Variants in CCBE1 observed in about 807,000 individuals in gnomAD.
CCBE1 encodes collagen and calcium binding EGF domains 1.
In CCBE1, 37 loss-of-function variants were observed where a neutral mutation model predicts 50.0. The observed-to-expected ratio is 0.74, with a 90% CI of 0.57 to 0.97. CCBE1 has a LOEUF of 0.97. Among genes scored for constraint, CCBE1 ranks in the 50% least tolerant of loss-of-function variants. The pLI, the probability that CCBE1 is intolerant of heterozygous loss-of-function variation, is 0.00. For synonymous variants in CCBE1, 234 were observed against 203.7 expected (o/e 1.15, Z -1.27); for missense variants, 538 against 523.8 (o/e 1.03, Z -0.26).
intron 2 of CCBE1, among the ~76,000 whole-genome samples, chr18:59,623,283 C>G (rs1414626373): frequency 6.6e-6 from 1 of 152,196 alleles, no homozygotes; most frequent in Non-Finnish European, 1.5e-5. Flanking sequence ...TAACCGCTGC[C>G]ATTCTGTGTC....
At chr18:59,578,667 A>G (rs2053038039) in intron 2 of CCBE1, among the ~76,000 whole-genome samples, 2 of 151,882 alleles carry the variant, frequency 1.3e-5, no homozygotes, top group African/African-American at 4.9e-5. Context: ...GCTGGAAACC[A>G]TCATTCTCAG....
chr18:59,438,077 C>A (rs202027121), intron 10 of CCBE1, 34 bp downstream of exon 10: 4 of 1,612,282 alleles, frequency 2.5e-6, no homozygotes, highest in South Asian at 2.2e-5. Flanking sequence ...TGAGAACGTT[C>A]CCCTGGGGAA....
chr18:59,525,743 T>A (rs1914792059), intron 2 of CCBE1, among the ~76,000 whole-genome samples: 1 of 152,272 alleles, frequency 6.6e-6, no homozygotes, highest in African/African-American at 2.4e-5. Context: ...TTTAACTCTT[T>A]AATCCATCTT....
intron 2 of CCBE1, among the ~76,000 whole-genome samples, chr18:59,519,354 A>C (rs949214): frequency 0.31 from 47,084 of 151,974 alleles, 8,932 homozygotes; most frequent in African/African-American, 0.54. Flanking sequence ...GGGGGAGAAA[A>C]TGTTTAGGTA....
intron 2 of CCBE1, among the ~76,000 whole-genome samples, chr18:59,617,506 A>T (rs2053652482): frequency 6.6e-6 from 1 of 152,248 alleles, no homozygotes; most frequent in Admixed American, 6.5e-5. Context: ...GAGAAATTGC[A>T]GTTTTCCACC....
intron 2 of CCBE1, among the ~76,000 whole-genome samples, chr18:59,520,744 CATA>C (rs1159152410): frequency 1.3e-5 from 2 of 152,340 alleles, no homozygotes; most frequent in South Asian, 2.1e-4. Context: ...ATCCAATTTC[CATA>C]ATGATTTTGA....
At chr18:59,548,794 G>A (rs7235306) in intron 2 of CCBE1, among the ~76,000 whole-genome samples, 15,591 of 151,976 alleles carry the variant, frequency 0.1, 1,087 homozygotes, top group East Asian at 0.34. Context: ...ATGCTCTCAG[G>A]CTACAAACCT....
intron 6 of CCBE1, among the ~76,000 whole-genome samples, chr18:59,450,595 G>T (rs113744888): frequency 6.6e-6 from 1 of 152,202 alleles, no homozygotes; most frequent in Non-Finnish European, 1.5e-5. Context: ...GTGCAGTGGT[G>T]CAATCTCAGT....
At chr18:59,509,332 A>G (rs2144290603) in intron 2 of CCBE1, among the ~76,000 whole-genome samples, 2 of 152,312 alleles carry the variant, frequency 1.3e-5, no homozygotes, top group Admixed American at 1.3e-4. Context: ...ACATAAATAT[A>G]TATATATACA....
At chr18:59,567,926 G>A (rs1184839444) in intron 2 of CCBE1, among the ~76,000 whole-genome samples, 1 of 152,116 alleles carries the variant, frequency 6.6e-6, no homozygotes, top group Non-Finnish European at 1.5e-5. Flanking sequence ...TTTTTAAATT[G>A]TTGTATTTTA....
intron 2 of CCBE1, among the ~76,000 whole-genome samples, chr18:59,539,460 C>G (rs1915384615): frequency 6.6e-6 from 1 of 152,174 alleles, no homozygotes; most frequent in Admixed American, 6.5e-5. Context: ...TATGGTTCAG[C>G]TGACACCTGA....
chr18:59,581,175 G>C (rs1011104197), intron 2 of CCBE1, among the ~76,000 whole-genome samples: 1 of 152,038 alleles, frequency 6.6e-6, no homozygotes, highest in African/African-American at 2.4e-5. Context: ...ATGTGGCCTC[G>C]GCTCTCTTGA....
chr18:59,503,034 C>T (rs660637), intron 2 of CCBE1, among the ~76,000 whole-genome samples: 1 of 152,134 alleles, frequency 6.6e-6, no homozygotes, highest in Non-Finnish European at 1.5e-5. Context: ...CATGCAATCA[C>T]ACAAATGTGC....
At chr18:59,549,478 T>C (rs1195706820) in intron 2 of CCBE1, among the ~76,000 whole-genome samples, 4 of 152,154 alleles carry the variant, frequency 2.6e-5, no homozygotes, top group African/African-American at 9.7e-5. Flanking sequence ...ATTGCAGTAA[T>C]TGAAGCTGAT....
At chr18:59,638,113 A>T (rs2053938605) in intron 2 of CCBE1, among the ~76,000 whole-genome samples, 1 of 152,252 alleles carries the variant, frequency 6.6e-6, no homozygotes, top group Admixed American at 6.5e-5. Flanking sequence ...AAAGTAAGGC[A>T]TCATGAACAA....
Position 59,634,057 on chromosome 18 carries a change from G to A in CCBE1, c.212+62572C>T, listed in dbSNP as rs577043728. On this transcript the variant is annotated intron_variant, in intron 2 of 10. Transcript: ENST00000439986. ...CTTCTCAGAAATTGGGGTCTCAACA[G>A]CCTAAACATACTAGGGACCTGAATC... 4.6e-5 allele frequency among the ~76,000 whole-genome samples: 7 copies of A among 152,324 alleles called. No individual in the cohort carries two copies. In the South Asian group the frequency reaches 1.2e-3, roughly 27 times the overall value.
At chr18:59,648,620 T>C (rs938623466) in intron 2 of CCBE1, among the ~76,000 whole-genome samples, 2 of 152,142 alleles carry the variant, frequency 1.3e-5, no homozygotes, top group African/African-American at 4.8e-5. Context: ...GAGAATTGCT[T>C]GAACCCAGGA....
intron 2 of CCBE1, among the ~76,000 whole-genome samples, chr18:59,528,891 G>A (rs1017299117): frequency 1.3e-5 from 2 of 152,198 alleles, no homozygotes; most frequent in Non-Finnish European, 2.9e-5. Flanking sequence ...GAATGCTCCT[G>A]TATAAAGTAT....
At chr18:59,542,917 G>A (rs982276403) in intron 2 of CCBE1, among the ~76,000 whole-genome samples, 4 of 151,990 alleles carry the variant, frequency 2.6e-5, no homozygotes, top group African/African-American at 9.7e-5. Flanking sequence ...CTGAACTCTC[G>A]AACCCCACTA....
Sources: gnomAD v4.1 joint callset for allele counts (sites outside exome capture counted in the v4.1 genomes callset) on GRCh38, gnomAD v4.1.1 for gene constraint, MANE v1.5 for transcripts, NCBI Gene and HGNC (gene_info 2026-07-23, HGNC 2026-07-21) for gene names.